The following SREBF2 variants were observed in gnomAD, a reference collection of about 807,000 sequenced individuals.
SREBF2 encodes sterol regulatory element binding transcription factor 2.
In SREBF2, 55 loss-of-function variants were observed where a neutral mutation model predicts 113.1. The observed-to-expected ratio is 0.49, with a 90% CI of 0.39 to 0.61. The LOEUF (loss-of-function observed/expected upper bound fraction) is 0.61. SREBF2 is among the 20% of genes least tolerant of loss of function. SREBF2 has a pLI of 0.00. For missense variants in SREBF2, 1,349 were observed against 1,487.4 expected (o/e 0.91, Z 1.53); for synonymous variants, 593 against 605.7 (o/e 0.98, Z 0.31).
At chr22:41,853,992 G>A (rs1298117406) in intron 1 of SREBF2, among the ~76,000 whole-genome samples, 8 of 146,128 alleles carry the variant, frequency 5.5e-5, no homozygotes, top group Admixed American at 4.2e-4. Context: ...CTGAGATCAC[G>A]CCACTGCACT....
intron 11 of SREBF2, 82 bp from the exon 12 acceptor site, chr22:41,893,035 C>T (rs2077379298): frequency 1.3e-6 from 2 of 1,535,274 alleles, no homozygotes; most frequent in East Asian, 4.5e-5. Flanking sequence ...CCACCTCCAC[C>T]ATGGTGCTTT....
Position 41,875,213 on chromosome 22 carries a change from C to CTA in SREBF2, c.1090-124_1090-123insTA, listed in dbSNP as rs1354351926. On this transcript the variant is annotated intron_variant, in intron 5 of 18. Coordinates refer to ENST00000361204, the MANE Select transcript of SREBF2 (RefSeq NM_004599.4). ...TGGCACAGCTAATCATTGGGAGGAC[C>CTA]AGCATCTGAACTTGGTTTCTCCTCT... 3 of 763,550 alleles carry CTA rather than the reference C, an allele frequency of 3.9e-6. No individual in the cohort carries two copies. In the African/African-American group the frequency reaches 5.1e-5, roughly 13 times the overall value. The allele number at this position is 763,550 out of a possible 1,614,324, so 47.3% of individuals were successfully genotyped here.
chr22:41,898,624 T>C, intron 14 of SREBF2, 25 bp from the exon 15 acceptor site: 1 of 1,613,208 alleles, frequency 6.2e-7, no homozygotes, highest in Non-Finnish European at 8.5e-7. Flanking sequence ...GGTGCTGGAG[T>C]GCGTTTGGTG....
chr22:41,844,758 G>A (rs1247363953), intron 1 of SREBF2, among the ~76,000 whole-genome samples: 1 of 152,156 alleles, frequency 6.6e-6, no homozygotes, highest in Non-Finnish European at 1.5e-5. Flanking sequence ...ATATGGAACT[G>A]CTTTGCTAAC....
intron 1 of SREBF2, among the ~76,000 whole-genome samples, chr22:41,854,043 A>G (rs1363056159): frequency 1.3e-5 from 2 of 151,694 alleles, no homozygotes; most frequent in Non-Finnish European, 2.9e-5. Flanking sequence ...TCAAAAAAAA[A>G]AAAAAAAGAA....
In SREBF2 at chr22:41,873,791, A is replaced by G; in HGVS notation, c.868-7A>G. 2 of 1,597,630 alleles carry G rather than the reference A, an allele frequency of 1.3e-6. No homozygotes were observed. Among genetic ancestry groups the G allele is most frequent in the Non-Finnish European group, 1.7e-6 (2 of 1,171,398 alleles). ...ATCATTCTGCTGTGTACCTGTCCCTATTCTAGACCCTGGTGGGCAGCAGTG... is the reference window on the plus strand; with the variant it reads ...ATCATTCTGCTGTGTACCTGTCCCTGTTCTAGACCCTGGTGGGCAGCAGTG... On this transcript the variant is annotated splice_region_variant and splice_polypyrimidine_tract_variant and intron_variant, in intron 4 of 18. Transcript: ENST00000361204.
chr22:41,869,805 A>G (rs1239533159), intron 3 of SREBF2, among the ~76,000 whole-genome samples: 9 of 151,580 alleles, frequency 5.9e-5, no homozygotes, highest in Non-Finnish European at 1.3e-4. Flanking sequence ...TATTATTTTT[A>G]TAATCACAAA....
intron 13 of SREBF2, among the ~76,000 whole-genome samples, chr22:41,895,163 G>A (rs899216068): frequency 2.0e-5 from 3 of 148,256 alleles, no homozygotes; most frequent in African/African-American, 5.0e-5. Flanking sequence ...TTTTGGAGAC[G>A]GAGTCTCGCT....
In SREBF2 at chr22:41,866,857, G is replaced by A. The variant is rs759353760; in HGVS notation, c.115G>A (p.Val39Met). The change falls in exon 2 of 19, where the codon GTG (valine) becomes ATG (methionine). Residue 39 changes from valine to methionine, a missense_variant. Around this residue, in one of 2 missense-constraint regions of SREBF2, gnomAD observed 699 missense variants for 843.3 expected, o/e 0.83. Transcript: ENST00000361204. ...GATGCTGCAATTTGTCAGTAATCAA[G>A]TGGGAGAGTTCCCTGACTTGTTTTC... ...DEMLQFVSNQ[V>M]GEFPDLFSEQ... The A allele has an allele frequency of 2.7e-5, 43 of 1,614,088 alleles. No individual in the cohort carries two copies. Among genetic ancestry groups the A allele is most frequent in the Non-Finnish European group, 3.5e-5 (41 of 1,180,042 alleles).
chr22:41,851,695 C>A (rs1186466731), intron 1 of SREBF2, among the ~76,000 whole-genome samples: 1 of 151,858 alleles, frequency 6.6e-6, no homozygotes, highest in African/African-American at 2.4e-5. Flanking sequence ...GGGTTTCACC[C>A]TGTTGGCCAG....
In SREBF2 at chr22:41,904,945, G is replaced by A. The variant is rs763193635; in HGVS notation, c.3176G>A (p.Arg1059Gln). Reference sequence around the variant, plus strand: ...CACCAGCTGCTGGAACACAGCCTGCGGCGGCGCACCACGCAGAGCACCAAG... The same window carrying A: ...CACCAGCTGCTGGAACACAGCCTGCAGCGGCGCACCACGCAGAGCACCAAG... ...RTHQLLEHSL[R>Q]RRTTQSTKHG... is the part of the protein sequence containing the mutation. Residue 1059 changes from arginine to glutamine, a missense_variant, in exon 18 of 19, where the codon CGG becomes CAG. By Grantham distance (43) the Arg-to-Gln change is conservative (BLOSUM62 1). Around this residue, in one of 2 missense-constraint regions of SREBF2, gnomAD observed 650 missense variants for 644.1 expected, o/e 1.01. Coordinates refer to ENST00000361204, the MANE Select transcript of SREBF2 (RefSeq NM_004599.4). 11 of 1,601,550 alleles carry A rather than the reference G, an allele frequency of 6.9e-6. No individual in the cohort carries two copies. The highest frequency in any genetic ancestry group is 6.7e-5 in the East Asian group (3 of 44,680).
chr22:41,897,184 C>T, intron 14 of SREBF2, 23 bp downstream of exon 14: 1 of 1,556,846 alleles, frequency 6.4e-7, no homozygotes, highest in Non-Finnish European at 8.8e-7. Context: ...GGGTGGCCCA[C>T]AGTCTCAGGG....
intron 1 of SREBF2, among the ~76,000 whole-genome samples, chr22:41,845,449 G>T (rs1249988909): frequency 6.6e-6 from 1 of 152,164 alleles, no homozygotes; most frequent in African/African-American, 2.4e-5. Context: ...GTCAAAAGTT[G>T]TTTTTAAAAA....
intron 12 of SREBF2, 119 bp from the exon 13 acceptor site, chr22:41,894,698 TGGA>T (rs1220719471): frequency 1.8e-5 from 15 of 852,182 alleles, no homozygotes; most frequent in Non-Finnish European, 2.7e-5. Flanking sequence ...TGGGCTTTGG[TGGA>T]GAAGGGGCAT....
intron 15 of SREBF2, chr22:41,899,304 C>A: frequency 9.6e-7 from 1 of 1,039,848 alleles, no homozygotes; most frequent in Non-Finnish European, 1.2e-6. Context: ...TAGCACATGG[C>A]ATAACCGGAG....
chr22:41,887,557 G>A (rs764956531), intron 11 of SREBF2, among the ~76,000 whole-genome samples: 2 of 152,224 alleles, frequency 1.3e-5, no homozygotes, highest in Non-Finnish European at 1.5e-5. Context: ...ATGTTGTTAT[G>A]TAGAATTATA....
rs1255350967 is a variant in SREBF2, at chr22:41,833,450, A to T, written c.88+92A>T. 7 of 1,163,148 alleles carry T rather than the reference A, an allele frequency of 6.0e-6. No individual in the cohort carries two copies. The East Asian group carries it at 2.0e-4, about 34-fold the overall frequency. The allele number at this position is 1,163,148 out of a possible 1,614,324, so 72.1% of individuals were successfully genotyped here. On this transcript the variant is annotated intron_variant, in intron 1 of 18. Transcript: ENST00000361204. This position sits in a 1 kb window ranked among gnomAD's most constrained non-coding sequence, Gnocchi z 4.1. The stretch of plus-strand genomic sequence containing the variant: ...GGTGCGCGTGCGCCCACCCCCCGAC[A>T]GCCCCGGTTCGCGCGGGAAGAACCC...
Position 41,833,161 on chromosome 22 carries a change from T to C in SREBF2, c.-110T>C, listed in dbSNP as rs2076727664. On this transcript the variant is annotated 5_prime_UTR_variant, in exon 1 of 19. The change abolishes the stop of an existing upstream ORF in the 5' untranslated region. Coordinates refer to ENST00000361204, the MANE Select transcript of SREBF2 (RefSeq NM_004599.4). The surrounding 1 kb of genome is among the most constrained non-coding windows in gnomAD (Gnocchi z 4.1). The stretch of plus-strand genomic sequence containing the variant: ...CATGGCGGCGGGTGGCACCCGTCGG[T>C]GAGGCGGTGCCGGGCGGGGGTTGTC... 2.5e-6 allele frequency: 2 copies of C among 785,930 alleles called. No homozygotes were observed. The highest frequency in any genetic ancestry group is 2.4e-5 in the South Asian group (1 of 42,516). The allele number at this position is 785,930 out of a possible 1,614,324, so 48.7% of individuals were successfully genotyped here.
Position 41,875,642 on chromosome 22 carries a change from C to T in SREBF2, c.1304C>T (p.Ala435Val). ...AATGTCCTTCTGATGTCCCCCCCAG[C>T]CTCTGACTCAGGGTCCCAGGCTGGC... is the stretch of plus-strand genomic sequence containing the variant. ...NQNVLLMSPP[A>V]SDSGSQAGFS... Residue 435 changes from alanine (A) to valine (V), a missense_variant, in exon 7 of 19, where the codon GCC (alanine) becomes GTC (valine). Physicochemically the swap from Ala to Val is moderately conservative, Grantham distance 64. Around this residue, in one of 2 missense-constraint regions of SREBF2, gnomAD observed 699 missense variants for 843.3 expected, o/e 0.83. Coordinates refer to ENST00000361204, the MANE Select transcript of SREBF2 (RefSeq NM_004599.4). 6.2e-7 allele frequency: 1 copy of T among 1,614,188 alleles called. No individual in the cohort carries two copies. The highest frequency in any genetic ancestry group is 8.5e-7 in the Non-Finnish European group (1 of 1,180,040).
Sources: allele counts gnomAD v4.1 joint callset (sites outside exome capture counted in the v4.1 genomes callset), GRCh38; gene constraint gnomAD v4.1.1; regional missense constraint gnomAD v4.1.1; non-coding constraint Gnocchi (gnomAD v3.1); transcripts MANE v1.5; gene names NCBI Gene and HGNC (gene_info 2026-07-23, HGNC 2026-07-21).